Variants in DSCAM observed in about 807,000 individuals in gnomAD.
DSCAM encodes the protein cell adhesion molecule DSCAM.
Under a neutral mutation model 217.7 loss-of-function variants are expected in DSCAM, and 47 were observed. That is an observed-to-expected ratio of 0.22 (90% CI 0.17 to 0.28). DSCAM has a LOEUF of 0.28. DSCAM is among the 10% of genes least tolerant of loss of function. The pLI, the probability that DSCAM is intolerant of heterozygous loss-of-function variation, is 1.00. For synonymous variants in DSCAM, 1,056 were observed against 1,015.3 expected, an observed-to-expected ratio of 1.04 and a Z score of -0.76; for missense variants, 2,080 against 2,618.3, an observed-to-expected ratio of 0.79 and a Z score of 4.49.
chr21:40,803,984 G>A (rs1448233621), intron 1 of DSCAM, among the ~76,000 whole-genome samples: 4 of 152,074 alleles, frequency 2.6e-5, no homozygotes, highest in Non-Finnish European at 1.5e-5. Flanking sequence ...TTTACTCTCA[G>A]GACCCAGTCT....
rs1053599149 is a variant in DSCAM, at chr21:40,051,814, T to C, written c.5185+144A>G. 1.1e-5 allele frequency: 11 copies of C among 1,004,156 alleles called. No homozygotes were observed. In the African/African-American group the frequency reaches 1.5e-4, roughly 14 times the overall value. The allele number at this position is 1,004,156 out of a possible 1,614,324, so 62.2% of individuals were successfully genotyped here. On this transcript the variant is annotated intron_variant, in intron 30 of 32. Coordinates refer to ENST00000400454, the MANE Select transcript of DSCAM (RefSeq NM_001389.5). ...AAGATCCATCAATAACAGCTCATTA[T>C]CCCAATTAGGGATGTTATTATACCC...
intron 3 of DSCAM, among the ~76,000 whole-genome samples, chr21:40,637,885 T>C (rs983178978): frequency 6.6e-6 from 1 of 151,472 alleles, no homozygotes; most frequent in Admixed American, 6.6e-5. Context: ...GGTTTCACCA[T>C]ATTGGTCAGG....
chr21:40,401,428 G>T (rs1341726381), intron 3 of DSCAM, among the ~76,000 whole-genome samples: 1 of 151,934 alleles, frequency 6.6e-6, no homozygotes, highest in Non-Finnish European at 1.5e-5. Flanking sequence ...TAGCAGTGAA[G>T]AATATAGTAC....
intron 8 of DSCAM, among the ~76,000 whole-genome samples, chr21:40,331,397 G>A (rs562907299): frequency 9.2e-5 from 14 of 152,254 alleles, no homozygotes; most frequent in Admixed American, 2.0e-4. Context: ...ATCCCCGGCC[G>A]CTCACCTCGA....
intron 8 of DSCAM, among the ~76,000 whole-genome samples, chr21:40,326,789 C>A (rs1234914436): frequency 1.3e-5 from 2 of 151,998 alleles, no homozygotes; most frequent in African/African-American, 4.8e-5. Context: ...TGTTGAATAT[C>A]ACATGGGAGG....
chr21:40,187,375 A>G (rs1244153798), intron 13 of DSCAM, 116 bp from the exon 14 acceptor site: 3 of 1,328,874 alleles, frequency 2.3e-6, no homozygotes, highest in African/African-American at 3.0e-5. Flanking sequence ...CAAGAACAGA[A>G]GCTTTTTATT....
intron 32 of DSCAM, among the ~76,000 whole-genome samples, chr21:40,030,808 TC>T (rs1245174676): frequency 6.6e-5 from 10 of 152,176 alleles, no homozygotes; most frequent in Non-Finnish European, 1.3e-4. Flanking sequence ...TTAGTAACTC[TC>T]CCTCAGACTC....
At position 40,313,161 on chromosome 21, in the gene DSCAM, T is replaced by A. The variant is rs144987862; in HGVS notation, c.1784-802A>T. Among the ~76,000 whole-genome samples the A allele has an allele frequency of 4.9e-3, 746 of 152,212 alleles. 9 individuals are homozygous for A. The highest frequency in any genetic ancestry group is 0.017 in the African/African-American group (719 of 41,538). Reference sequence around the variant, plus strand: ...AGTAAAATAAATATTCCAATTTTATTGTTAAAGTTCTCTGTTATGTCCAAC... The same window carrying A: ...AGTAAAATAAATATTCCAATTTTATAGTTAAAGTTCTCTGTTATGTCCAAC... On this transcript the variant is annotated intron_variant, in intron 8 of 32. Coordinates refer to ENST00000400454, the MANE Select transcript of DSCAM (RefSeq NM_001389.5).
intron 1 of DSCAM, among the ~76,000 whole-genome samples, chr21:40,728,627 C>T (rs934925294): frequency 6.6e-6 from 1 of 151,982 alleles, no homozygotes; most frequent in Admixed American, 6.6e-5. Context: ...ATCATGTTGG[C>T]CAGGCTGGTC....
At chr21:40,465,081 G>T (rs1026578466) in intron 3 of DSCAM, among the ~76,000 whole-genome samples, 1 of 152,130 alleles carries the variant, frequency 6.6e-6, no homozygotes, top group Non-Finnish European at 1.5e-5. Context: ...GTTTTCGTCT[G>T]TTTAAAATGC....
intron 11 of DSCAM, among the ~76,000 whole-genome samples, chr21:40,268,501 A>G (rs1202832389): frequency 6.6e-6 from 1 of 152,180 alleles, no homozygotes; most frequent in Non-Finnish European, 1.5e-5. Flanking sequence ...AGGACCTTAA[A>G]TCAACTGAAA....
At chr21:40,454,752 TAC>T (rs1331225518) in intron 3 of DSCAM, among the ~76,000 whole-genome samples, 5 of 152,188 alleles carry the variant, frequency 3.3e-5, no homozygotes, top group African/African-American at 1.2e-4. Flanking sequence ...AGGGTAAATA[TAC>T]AGAGAGGAAA....
chr21:40,817,086 C>CTTT (rs397772533), intron 1 of DSCAM, among the ~76,000 whole-genome samples: 6 of 147,526 alleles, frequency 4.1e-5, no homozygotes, highest in Non-Finnish European at 7.5e-5. Context: ...AAATTAGATT[C>CTTT]TTTTTTTTTT....
At chr21:40,507,623 C>G (rs1214549385) in intron 3 of DSCAM, among the ~76,000 whole-genome samples, 2 of 152,012 alleles carry the variant, frequency 1.3e-5, no homozygotes, top group East Asian at 3.9e-4. Context: ...AAACCCCTCT[C>G]TACAAAAAAC....
chr21:40,464,550 G>A (rs982534519), intron 3 of DSCAM, among the ~76,000 whole-genome samples: 2 of 152,046 alleles, frequency 1.3e-5, no homozygotes, highest in African/African-American at 4.8e-5. Flanking sequence ...AAACAAAACA[G>A]GAGTCATTGC....
At chr21:40,762,190 T>C (rs767693848) in intron 1 of DSCAM, among the ~76,000 whole-genome samples, 3 of 151,794 alleles carry the variant, frequency 2.0e-5, no homozygotes, top group Non-Finnish European at 2.9e-5. Context: ...TTTGAAAAGA[T>C]TAACAAAATA....
intron 3 of DSCAM, among the ~76,000 whole-genome samples, chr21:40,682,659 G>GA (rs1601846099): frequency 2.3e-5 from 1 of 44,384 alleles, no homozygotes; most frequent in African/African-American, 7.3e-5. Context: ...GAAGGGAAGG[G>GA]AGCGGAGGGG....
chr21:40,205,682 C>G (rs1827927355), intron 11 of DSCAM, among the ~76,000 whole-genome samples: 1 of 151,444 alleles, frequency 6.6e-6, no homozygotes. Flanking sequence ...AGCTAAAGAG[C>G]CACAAAAAAT....
At chr21:40,786,171 G>A (rs2091592033) in intron 1 of DSCAM, among the ~76,000 whole-genome samples, 1 of 152,066 alleles carries the variant, frequency 6.6e-6, no homozygotes, top group Non-Finnish European at 1.5e-5. Context: ...GGGAGGCGGA[G>A]GTTGTGGTGA....
Sources: allele counts gnomAD v4.1 joint callset (sites outside exome capture counted in the v4.1 genomes callset), GRCh38; gene constraint gnomAD v4.1.1; transcripts MANE v1.5; gene names NCBI Gene and HGNC (gene_info 2026-07-23, HGNC 2026-07-21).